The following NDUFS1 variants were observed in gnomAD, a reference collection of about 807,000 sequenced individuals.
The protein encoded by NDUFS1 is NADH:ubiquinone oxidoreductase core subunit S1, also known as NADH-ubiquinone oxidoreductase 75 kDa subunit, mitochondrial.
Under a neutral mutation model 84.4 loss-of-function variants are expected in NDUFS1, and 61 were observed. That is an observed-to-expected ratio of 0.72 (90% confidence interval 0.59 to 0.89). The LOEUF (loss-of-function observed/expected upper bound fraction) is 0.89, where lower values mean the gene tolerates loss of function less well. NDUFS1 is among the 40% of genes least tolerant of loss of function. The pLI, the probability that NDUFS1 is intolerant of heterozygous loss-of-function variation, is 0.00. For synonymous variants in NDUFS1, 275 were observed against 290.0 expected (o/e 0.95, Z 0.53); for missense variants, 891 against 890.0 (o/e 1.00, Z -0.01).
chr2:206,124,072 C>G lies in NDUFS1; in HGVS notation c.*113G>C, dbSNP rs1053703498. ...AGGCATAGTATAACCTTAAATATTA[C>G]ATGATTCAAATTATTATTATTTTTT... On this transcript the variant is annotated 3_prime_UTR_variant, in exon 19 of 19. Coordinates refer to ENST00000233190, the MANE Select transcript of NDUFS1 (RefSeq NM_005006.7). 5.3e-6 allele frequency: 4 copies of G among 754,980 alleles called. No homozygotes were observed. The African/African-American group carries it at 7.1e-5, about 13-fold the overall frequency. The allele number at this position is 754,980 out of a possible 1,614,324, so 46.8% of individuals were successfully genotyped here.
chr2:206,157,762 C>T (rs1022198669), intron 1 of NDUFS1, among the ~76,000 whole-genome samples: 1 of 152,100 alleles, frequency 6.6e-6, no homozygotes, highest in African/African-American at 2.4e-5. Flanking sequence ...ATTGATATGC[C>T]AAGTAGCAAT....
At chr2:206,132,910 G>A (rs781035879) in intron 14 of NDUFS1, 35 bp downstream of exon 14, 1 of 1,567,586 alleles carries the variant, frequency 6.4e-7, no homozygotes, top group South Asian at 1.1e-5. Flanking sequence ...AACATTACTT[G>A]AATTTATAGT....
intron 1 of NDUFS1, among the ~76,000 whole-genome samples, chr2:206,155,067 C>A (rs1559067292): frequency 6.6e-6 from 1 of 151,650 alleles, no homozygotes; most frequent in African/African-American, 2.4e-5. Flanking sequence ...GTAGCTGAGA[C>A]TACAGGCATG....
At chr2:206,147,431 A>G (rs571342530) in intron 7 of NDUFS1, 100 bp downstream of exon 7, 2 of 1,240,980 alleles carry the variant, frequency 1.6e-6, no homozygotes, top group Non-Finnish European at 2.2e-6. Flanking sequence ...TCTCCCACCC[A>G]AAAAAAGTAG....
At chr2:206,155,625 C>T (rs1687619245) in intron 1 of NDUFS1, among the ~76,000 whole-genome samples, 1 of 151,338 alleles carries the variant, frequency 6.6e-6, no homozygotes, top group Admixed American at 6.6e-5. Context: ...GCCACGTTGG[C>T]CAAGGTGGTC....
At chr2:206,139,977 A>G (rs1408609401) in intron 12 of NDUFS1, among the ~76,000 whole-genome samples, 1 of 151,752 alleles carries the variant, frequency 6.6e-6, no homozygotes, top group Non-Finnish European at 1.5e-5. Context: ...AAATTGCTAT[A>G]AAAGAAATTA....
intron 15 of NDUFS1, among the ~76,000 whole-genome samples, chr2:206,129,117 G>T (rs375068518): frequency 8.5e-5 from 13 of 152,154 alleles, no homozygotes; most frequent in Non-Finnish European, 1.9e-4. Context: ...TGAATCAAGT[G>T]TAAGAAAATC....
At chr2:206,138,064 C>A (rs1477778995) in intron 13 of NDUFS1, among the ~76,000 whole-genome samples, 1 of 152,028 alleles carries the variant, frequency 6.6e-6, no homozygotes, top group Non-Finnish European at 1.5e-5. Flanking sequence ...GTTTTACTTT[C>A]TTCCTCATGT....
intron 18 of NDUFS1, among the ~76,000 whole-genome samples, chr2:206,124,843 AAAATAAAT>A (rs956342580): frequency 6.6e-6 from 1 of 152,100 alleles, no homozygotes; most frequent in African/African-American, 2.4e-5. Flanking sequence ...TTGTCTCAAA[AAAATAAAT>A]AAATAAATAA....
chr2:206,132,667 G>T (rs972441743), intron 14 of NDUFS1, among the ~76,000 whole-genome samples: 1 of 152,110 alleles, frequency 6.6e-6, no homozygotes. Flanking sequence ...TTTAATTAAA[G>T]AACTTGTTGC....
At position 206,133,085 on chromosome 2, in the gene NDUFS1, T is replaced by G; in HGVS notation, c.1413A>C (p.Lys471Asn). ...PFSQVLKEAK[K>N]PMVVLGSSAL... is the part of the protein sequence containing the mutation. ...CAGAACTGCCTAAAACCACCATTGG[T>G]TTTTTAGCTTCCTTTAGGACCTATT... Residue 471 changes from lysine to asparagine, a missense_variant, in exon 14 of 19, where the codon AAA becomes AAC. Transcript: ENST00000233190. The G allele has an allele frequency of 6.2e-7, 1 of 1,612,792 alleles. No homozygotes were observed. The highest frequency in any genetic ancestry group is 8.5e-7 in the Non-Finnish European group (1 of 1,179,388).
At position 206,123,226 on chromosome 2, in the gene NDUFS1, G is replaced by A. The variant is rs1174032590; in HGVS notation, c.*959C>T. Reference sequence around the variant, plus strand: ...ATTTAGTTGATTTAACACTACAGATGGTGTTAGGATAATGAATACAGAACA... The same window carrying A: ...ATTTAGTTGATTTAACACTACAGATAGTGTTAGGATAATGAATACAGAACA... On this transcript the variant is annotated 3_prime_UTR_variant, in exon 19 of 19. Transcript: ENST00000233190. The A allele has an allele frequency of 6.6e-6, 1 of 151,390 alleles. No homozygotes were observed. Among genetic ancestry groups the A allele is most frequent in the Non-Finnish European group, 1.5e-5 (1 of 67,904 alleles). 9.4% of individuals were successfully genotyped at this position (151,390 alleles called of 1,614,324 possible).
chr2:206,155,781 G>A (rs1043612096), intron 1 of NDUFS1, among the ~76,000 whole-genome samples: 4 of 142,478 alleles, frequency 2.8e-5, no homozygotes, highest in African/African-American at 1.0e-4. Flanking sequence ...CTCAAACTCC[G>A]GACCTCAGGT....
chr2:206,128,077 CA>C (rs761379878), intron 15 of NDUFS1, 105 bp from the exon 16 acceptor site: 127 of 1,330,662 alleles, frequency 9.5e-5, no homozygotes, highest in Non-Finnish European at 1.3e-4. Flanking sequence ...TGTAAAGTCA[CA>C]AAAGTTTTTA....
rs1372932145 is a variant in NDUFS1 at position 206,137,489 on chromosome 2, A to T, written c.1392+996T>A. The stretch of plus-strand genomic sequence containing the variant: ...GTCTCCCCGCCAAGGAAAAAGAAAA[A>T]AAAAGATAATCAGGACAGGGTTTGG... On this transcript the variant is annotated intron_variant, in intron 13 of 18. Coordinates refer to ENST00000233190, the MANE Select transcript of NDUFS1 (RefSeq NM_005006.7). Among the ~76,000 whole-genome samples the T allele has an allele frequency of 2.0e-5, 3 of 152,254 alleles. No individual in the cohort carries two copies. The East Asian group carries it at 5.8e-4, about 29-fold the overall frequency.
intron 3 of NDUFS1, among the ~76,000 whole-genome samples, chr2:206,150,664 AT>A (rs1003384327): frequency 1.6e-4 from 25 of 152,330 alleles, no homozygotes; most frequent in Admixed American, 1.5e-3. Flanking sequence ...CCTAGCTGAC[AT>A]TCCTTATGCT....
chr2:206,154,368 C>T (rs937405586), intron 1 of NDUFS1, among the ~76,000 whole-genome samples: 1 of 152,158 alleles, frequency 6.6e-6, no homozygotes, highest in African/African-American at 2.4e-5. Flanking sequence ...TTAGCAATGT[C>T]TGAACACACT....
intron 14 of NDUFS1, among the ~76,000 whole-genome samples, chr2:206,131,996 T>C (rs541627094): frequency 6.6e-6 from 1 of 151,568 alleles, no homozygotes; most frequent in South Asian, 2.1e-4. Context: ...TGGTGGCACA[T>C]GCCAATAGTC....
At chr2:206,147,941 G>C in intron 5 of NDUFS1, 107 bp from the exon 6 acceptor site, 1 of 998,732 alleles carries the variant, frequency 1.0e-6, no homozygotes, top group Non-Finnish European at 1.6e-6. Flanking sequence ...TTTTTGAGAT[G>C]GTGTCTCGCT....
Sources: gnomAD v4.1 joint callset for allele counts (sites outside exome capture counted in the v4.1 genomes callset) on GRCh38, gnomAD v4.1.1 for gene constraint, MANE v1.5 for transcripts, NCBI Gene and HGNC (gene_info 2026-07-23, HGNC 2026-07-21) for gene names.